CCDC170: variants seen among roughly 807,000 people sequenced by gnomAD.
CCDC170 encodes coiled-coil domain-containing protein 170.
CCDC170 carries 69 observed loss-of-function variants against 72.6 expected under a neutral mutation model. That is an observed-to-expected ratio of 0.95 (90% confidence interval 0.78 to 1.16). The LOEUF (loss-of-function observed/expected upper bound fraction) is 1.16. CCDC170 is among the 50% of genes most tolerant of loss of function. The probability of loss-of-function intolerance (pLI) is 0.00; values close to 1 mark genes in which losing one functional copy is unlikely to be tolerated. For synonymous variants in CCDC170, 300 were observed against 303.9 expected (o/e 0.99, Z 0.13); for missense variants, 852 against 832.5 (o/e 1.02, Z -0.29).
chr6:151,595,567 G>C lies in CCDC170; in HGVS notation c.1468-768G>C, dbSNP rs146682995. Among the ~76,000 whole-genome samples the C allele has an allele frequency of 2.4e-3, 364 of 152,194 alleles. 3 individuals are homozygous for C. The highest frequency in any genetic ancestry group is 8.3e-3 in the African/African-American group (343 of 41,534). ...GTGGTGGCTTACACCTGTAATCCCA[G>C]CACTTTTGGAGGCTGAGGCAGGTGG... is the stretch of plus-strand genomic sequence containing the variant. On this transcript the variant is annotated intron_variant, in intron 8 of 10. Transcript: ENST00000239374.
chr6:151,553,732 A>T (rs538445328), intron 5 of CCDC170, among the ~76,000 whole-genome samples: 134 of 142,720 alleles, frequency 9.4e-4, no homozygotes, highest in Middle Eastern at 3.5e-3. Context: ...TAAAAATTGT[A>T]AAAAAAAAAA....
At chr6:151,527,765 G>A (rs9383918) in intron 1 of CCDC170, among the ~76,000 whole-genome samples, 21,556 of 152,052 alleles carry the variant, frequency 0.14, 2,047 homozygotes, top group East Asian at 0.49. Context: ...AAGAGCCTGC[G>A]GTAATACAAT....
At chr6:151,516,125 A>C (rs1782232025) in intron 1 of CCDC170, among the ~76,000 whole-genome samples, 1 of 151,848 alleles carries the variant, frequency 6.6e-6, no homozygotes, top group Non-Finnish European at 1.5e-5. Flanking sequence ...GATTTCTTTC[A>C]GGGCTGTTAT....
Position 151,498,626 on chromosome 6 carries a change from A to C in CCDC170, c.57+4441A>C, listed in dbSNP as rs532116216. ...ACTTTCTTTCTTTATGAATTTGACT[A>C]TTCTAGGCATGCTGTATAAGTGGAA... On this transcript the variant is annotated intron_variant, in intron 1 of 10. Transcript: ENST00000239374. 3.3e-5 allele frequency among the ~76,000 whole-genome samples: 5 copies of C among 152,250 alleles called. No homozygotes were observed. In the South Asian group the frequency reaches 6.2e-4, roughly 19 times the overall value.
chr6:151,509,357 G>T (rs1468597182), intron 1 of CCDC170, among the ~76,000 whole-genome samples: 1 of 152,008 alleles, frequency 6.6e-6, no homozygotes, highest in African/African-American at 2.4e-5. Flanking sequence ...ATGTGACATT[G>T]TTCCCAAATT....
At chr6:151,514,361 G>GAAGGGAGGA (rs1176325727) in intron 1 of CCDC170, among the ~76,000 whole-genome samples, 1 of 88,306 alleles carries the variant, frequency 1.1e-5, no homozygotes, top group African/African-American at 5.6e-5. Flanking sequence ...GGGAGGGAGG[G>GAAGGGAGGA]AGGGAGGGAG....
rs1782131474 is a variant in CCDC170, at chr6:151,510,427, C to G, written c.57+16242C>G. On this transcript the variant is annotated intron_variant, in intron 1 of 10. Coordinates refer to ENST00000239374, the MANE Select transcript of CCDC170 (RefSeq NM_025059.4). Reference sequence around the variant, plus strand: ...GCAAAACAAAGCATTTTAATGTTTTCTGATTAACAAGTGAATTTAAATGTC... The same window carrying G: ...GCAAAACAAAGCATTTTAATGTTTTGTGATTAACAAGTGAATTTAAATGTC... Among the ~76,000 whole-genome samples, 4 of 152,094 alleles carry G rather than the reference C, an allele frequency of 2.6e-5. No homozygotes were observed. In the South Asian group the frequency reaches 8.3e-4, roughly 32 times the overall value.
At chr6:151,611,926 G>T (rs1393500535) in intron 9 of CCDC170, among the ~76,000 whole-genome samples, 3 of 152,036 alleles carry the variant, frequency 2.0e-5, no homozygotes, top group Non-Finnish European at 2.9e-5. Context: ...GGCCAGGCTG[G>T]TCTCGAACTC....
Position 151,518,900 on chromosome 6 carries a change from G to A in CCDC170, c.58-17418G>A, listed in dbSNP as rs187643324. On this transcript the variant is annotated intron_variant, in intron 1 of 10. Transcript: ENST00000239374. ...ATCACATGCTTCAGAGGGCAAAAAG[G>A]AGAATGAAGATCACGTGCTTCTGAA... Among the ~76,000 whole-genome samples, 6 of 152,320 alleles carry A rather than the reference G, an allele frequency of 3.9e-5. No individual in the cohort carries two copies. In the East Asian group the frequency reaches 1.2e-3, roughly 29 times the overall value.
chr6:151,500,345 C>A (rs1337677563), intron 1 of CCDC170, among the ~76,000 whole-genome samples: 1 of 150,784 alleles, frequency 6.6e-6, no homozygotes, highest in Non-Finnish European at 1.5e-5. Context: ...CAATCTCCAC[C>A]CCACCACCCC....
chr6:151,601,280 A>G (rs893524833), intron 9 of CCDC170, among the ~76,000 whole-genome samples: 19 of 152,218 alleles, frequency 1.2e-4, no homozygotes, highest in African/African-American at 4.6e-4. Context: ...CCCATGATTC[A>G]GTTATCTCCA....
chr6:151,497,943 A>T (rs1781933523), intron 1 of CCDC170, among the ~76,000 whole-genome samples: 1 of 139,442 alleles, frequency 7.2e-6, no homozygotes, highest in East Asian at 2.1e-4. Flanking sequence ...GCCACTGAAC[A>T]CACCATCTCA....
Position 151,494,168 on chromosome 6 carries a change from G to C in CCDC170, c.40G>C (p.Ala14Pro), listed in dbSNP as rs1781875646. The C allele has an allele frequency of 6.6e-7, 1 of 1,520,362 alleles. No individual in the cohort carries two copies. 94.2% of individuals were successfully genotyped at this position (1,520,362 alleles called of 1,614,324 possible). A position where few individuals can be genotyped will look rare whatever the true frequency, so the allele number is the denominator to read the frequency against. ...CACCAGCCATATCGCGCTGGGTGCC[G>C]CTTCGCCAGCGCCCGAGGTACGGTC... ...DCTSHIALGAASPAPEETYDH... is the reference protein window; with the variant it reads ...DCTSHIALGAPSPAPEETYDH... Residue 14 changes from alanine to proline, a missense_variant, in exon 1 of 11, where the codon GCT becomes CCT. By Grantham distance (27) the Ala-to-Pro change is conservative. Transcript: ENST00000239374.
chr6:151,494,701 C>T (rs1458935065), intron 1 of CCDC170, among the ~76,000 whole-genome samples: 2 of 152,164 alleles, frequency 1.3e-5, no homozygotes, highest in Non-Finnish European at 2.9e-5. Context: ...GTACTGGGGA[C>T]TTTCAGGTAT....
At chr6:151,495,115 T>G (rs1781890956) in intron 1 of CCDC170, among the ~76,000 whole-genome samples, 1 of 152,250 alleles carries the variant, frequency 6.6e-6, no homozygotes, top group African/African-American at 2.4e-5. Context: ...AAACATGAGT[T>G]GGATTCTCCA....
intron 1 of CCDC170, among the ~76,000 whole-genome samples, chr6:151,500,922 G>A (rs923321585): frequency 2.0e-5 from 3 of 152,116 alleles, no homozygotes; most frequent in African/African-American, 4.8e-5. Flanking sequence ...GTGCTAAAAT[G>A]CAAATTTGGT....
intron 5 of CCDC170, among the ~76,000 whole-genome samples, chr6:151,553,451 T>C (rs1041581246): frequency 8.5e-5 from 13 of 152,170 alleles, no homozygotes; most frequent in African/African-American, 2.4e-4. Flanking sequence ...TTATAACTAG[T>C]AGTTATTAAA....
At chr6:151,589,032 T>A (rs1219211486) in intron 7 of CCDC170, among the ~76,000 whole-genome samples, 1 of 151,964 alleles carries the variant, frequency 6.6e-6, no homozygotes, top group Non-Finnish European at 1.5e-5. Flanking sequence ...GGTGGGTGGA[T>A]CACTTGAGGT....
chr6:151,538,560 C>T (rs1782630179), intron 3 of CCDC170, among the ~76,000 whole-genome samples: 2 of 152,168 alleles, frequency 1.3e-5, no homozygotes, highest in South Asian at 4.1e-4. Context: ...GCTGCAAATG[C>T]TTATTTACAC....
Sources: allele counts gnomAD v4.1 joint callset (sites outside exome capture counted in the v4.1 genomes callset), GRCh38; gene constraint gnomAD v4.1.1; transcripts MANE v1.5; gene names NCBI Gene and HGNC (gene_info 2026-07-23, HGNC 2026-07-21).